TOP6BL: variants seen among roughly 807,000 people sequenced by gnomAD.
The protein encoded by TOP6BL is type 2 DNA topoisomerase 6 subunit B-like.
the TOP6BL span, among the ~76,000 whole-genome samples, chr11:66,763,001 T>TA: frequency 3.9e-5 from 6 of 152,166 alleles, no homozygotes; most frequent in African/African-American, 7.2e-5. Context: ...GCCCAGTAGT[T>TA]AGAGACTAGC....
chr11:66,808,671 AC>A, the TOP6BL span, among the ~76,000 whole-genome samples: 1 of 152,242 alleles, frequency 6.6e-6, no homozygotes, highest in South Asian at 2.1e-4. Context: ...AAATATAATA[AC>A]CAATGTTGAA....
At chr11:66,797,620 T>A in the TOP6BL span, among the ~76,000 whole-genome samples, 3 of 152,038 alleles carry the variant, frequency 2.0e-5, no homozygotes, top group African/African-American at 7.2e-5. Flanking sequence ...TTCTCCTGCC[T>A]CAGCTCCCTG....
chr11:66,794,698 A>G, the TOP6BL span, among the ~76,000 whole-genome samples: 1 of 152,218 alleles, frequency 6.6e-6, no homozygotes. Flanking sequence ...TGGCAAGAAC[A>G]TGGGCAATTA....
chr11:66,773,964 G>A, the TOP6BL span, among the ~76,000 whole-genome samples: 2 of 151,928 alleles, frequency 1.3e-5, no homozygotes, highest in Non-Finnish European at 2.9e-5. Context: ...CCTGACCTCA[G>A]GTGATCCACC....
the TOP6BL span, among the ~76,000 whole-genome samples, chr11:66,750,215 T>A: frequency 8.8e-3 from 1,344 of 152,236 alleles, 22 homozygotes; most frequent in African/African-American, 0.029. Context: ...TGTAAAAAAA[T>A]GTACACTTAT....
At chr11:66,819,510 C>T in the TOP6BL span, among the ~76,000 whole-genome samples, 2 of 152,140 alleles carry the variant, frequency 1.3e-5, no homozygotes, top group Non-Finnish European at 2.9e-5. Flanking sequence ...TGGCTTGGCT[C>T]CTGTAATCCC....
chr11:66,841,665 C>A, the TOP6BL span, among the ~76,000 whole-genome samples: 4 of 152,136 alleles, frequency 2.6e-5, no homozygotes, highest in African/African-American at 7.2e-5. Flanking sequence ...AGATGAAAAT[C>A]TGTTTCTAGC....
chr11:66,839,856 CCA>C, the TOP6BL span, among the ~76,000 whole-genome samples: 1 of 152,122 alleles, frequency 6.6e-6, no homozygotes, highest in Non-Finnish European at 1.5e-5. Flanking sequence ...CTGGGGTCTT[CCA>C]CAGCCTTATC....
At chr11:66,842,867 A>G in the TOP6BL span, 4 of 1,572,576 alleles carry the variant, frequency 2.5e-6, no homozygotes, top group South Asian at 4.6e-5. Flanking sequence ...GGGCAAGCAG[A>G]AAACAAGAGG....
At chr11:66,840,079 G>A in the TOP6BL span, among the ~76,000 whole-genome samples, 3 of 152,258 alleles carry the variant, frequency 2.0e-5, no homozygotes, top group South Asian at 6.2e-4. Flanking sequence ...GGATGGCTTG[G>A]GCTGTTCTGT....
chr11:66,787,677 G>C, the TOP6BL span, among the ~76,000 whole-genome samples: 1 of 148,658 alleles, frequency 6.7e-6, no homozygotes, highest in African/African-American at 2.5e-5. Flanking sequence ...CCGAGATAGC[G>C]CCATTGCACT....
chr11:66,794,778 A>G, the TOP6BL span, among the ~76,000 whole-genome samples: 1 of 152,194 alleles, frequency 6.6e-6, no homozygotes, highest in Non-Finnish European at 1.5e-5. Flanking sequence ...TGGCTATACT[A>G]CTGAACAGCT....
At chr11:66,762,038 C>T in the TOP6BL span, 4 of 1,454,792 alleles carry the variant, frequency 2.7e-6, no homozygotes, top group African/African-American at 1.4e-5. Context: ...TTTTTTCCCC[C>T]CAGCAACTTT....
the TOP6BL span, chr11:66,804,024 A>G: frequency 6.2e-7 from 1 of 1,610,914 alleles, no homozygotes; most frequent in East Asian, 2.2e-5. Flanking sequence ...ATTGAATCAC[A>G]CTGCAGCAGA....
At chr11:66,763,143 G>A in the TOP6BL span, among the ~76,000 whole-genome samples, 1,521 of 152,354 alleles carry the variant, frequency 1.0e-2, 11 homozygotes, top group Non-Finnish European at 0.016. Context: ...TGAGGCTGCA[G>A]TGAGCTATGA....
the TOP6BL span, among the ~76,000 whole-genome samples, chr11:66,822,118 T>A: frequency 6.6e-6 from 1 of 152,336 alleles, no homozygotes; most frequent in Admixed American, 6.5e-5. Flanking sequence ...CTTCCCCCAT[T>A]TTCCTAATTC....
the TOP6BL span, among the ~76,000 whole-genome samples, chr11:66,841,172 A>G: frequency 6.9e-5 from 9 of 130,788 alleles, no homozygotes; most frequent in Non-Finnish European, 1.2e-4. Flanking sequence ...ACTGGAGTGC[A>G]GTGGCGTGAT....
At chr11:66,761,927 T>G in the TOP6BL span, 3 of 1,415,490 alleles carry the variant, frequency 2.1e-6, no homozygotes, top group Non-Finnish European at 3.0e-6. Context: ...AATGGGGAGT[T>G]GATATCAATT....
chr11:66,756,613 G>C, the TOP6BL span: 1 of 859,468 alleles, frequency 1.2e-6, no homozygotes, highest in Non-Finnish European at 1.4e-6. Flanking sequence ...CAGATGCAAA[G>C]ATGACAGTAG....
Sources: gnomAD v4.1 joint callset for allele counts (sites outside exome capture counted in the v4.1 genomes callset) on GRCh38, gnomAD v4.1.1 for gene constraint, MANE v1.5 for transcripts, NCBI Gene and HGNC (gene_info 2026-07-23, HGNC 2026-07-21) for gene names.